RWDD4: variants seen among roughly 807,000 people sequenced by gnomAD.
RWDD4 encodes RWD domain-containing protein 4.
A neutral mutation model predicts 30.0 loss-of-function variants in RWDD4; 16 were observed. The ratio of observed to expected loss-of-function variants is 0.53; its 90% confidence interval spans 0.36 to 0.81. The LOEUF (loss-of-function observed/expected upper bound fraction) is 0.81. Among genes scored for constraint, RWDD4 ranks in the 30% least tolerant of loss-of-function variants. The pLI is 0.00. For missense variants in RWDD4, 170 were observed against 223.9 expected (o/e 0.76, Z 1.54); for synonymous variants, 45 against 72.1 (o/e 0.62, Z 1.90).
chr4:183,652,855 T>C (rs1217543870), intron 2 of RWDD4, among the ~76,000 whole-genome samples: 2 of 149,976 alleles, frequency 1.3e-5, no homozygotes, highest in African/African-American at 5.0e-5. Flanking sequence ...GCCACTCAAG[T>C]AGCTGGAGCT....
At chr4:183,641,704 C>T (rs896690781) in intron 7 of RWDD4, among the ~76,000 whole-genome samples, 1 of 152,028 alleles carries the variant, frequency 6.6e-6, no homozygotes, top group African/African-American at 2.4e-5. Flanking sequence ...GGTGGGTGAG[C>T]GGGACACTCT....
intron 4 of RWDD4, among the ~76,000 whole-genome samples, chr4:183,649,934 G>A (rs568482473): frequency 6.6e-5 from 10 of 152,212 alleles, no homozygotes; most frequent in Non-Finnish European, 1.3e-4. Flanking sequence ...TTTTCTCAAT[G>A]TGAACACTTG....
intron 4 of RWDD4, 37 bp from the exon 5 acceptor site, chr4:183,649,605 T>G: frequency 8.6e-7 from 1 of 1,160,342 alleles, no homozygotes; most frequent in Non-Finnish European, 1.3e-6. Flanking sequence ...GCCTCATACC[T>G]TACAACTTGT....
intron 4 of RWDD4, among the ~76,000 whole-genome samples, chr4:183,650,345 G>A (rs1734050145): frequency 6.6e-6 from 1 of 152,164 alleles, no homozygotes; most frequent in Admixed American, 6.5e-5. Flanking sequence ...GAATGTGAAA[G>A]CCAAAACCAC....
In RWDD4 at chr4:183,659,029, G is replaced by A. The variant is rs2111262088; in HGVS notation, c.-77C>T. 1.8e-6 allele frequency: 2 copies of A among 1,132,584 alleles called. No individual in the cohort carries two copies. The highest frequency in any genetic ancestry group is 3.1e-5 in the East Asian group (1 of 31,880). The allele number at this position is 1,132,584 out of a possible 1,614,324, so 70.2% of individuals were successfully genotyped here. A position where few individuals can be genotyped will look rare whatever the true frequency, so the allele number is the denominator to read the frequency against. On this transcript the variant is annotated 5_prime_UTR_variant, in exon 1 of 8. Coordinates refer to ENST00000326397, the MANE Select transcript of RWDD4 (RefSeq NM_152682.4). ...AGAAAGCGAAGGCAGCGGCCCAGAG[G>A]CCGGGCGTCCCCCTTTCGCGCCTCG... is the stretch of plus-strand genomic sequence containing the variant.
At chr4:183,652,680 T>G (rs938641415) in intron 2 of RWDD4, among the ~76,000 whole-genome samples, 51 of 151,782 alleles carry the variant, frequency 3.4e-4, no homozygotes, top group African/African-American at 1.2e-3. Context: ...CATGGTGGCA[T>G]GCGCCTGTAG....
Position 183,640,880 on chromosome 4 carries a change from G to A in RWDD4, c.*556C>T, listed in dbSNP as rs1478114889. On this transcript the variant is annotated 3_prime_UTR_variant, in exon 8 of 8. Coordinates refer to ENST00000326397, the MANE Select transcript of RWDD4 (RefSeq NM_152682.4). ...GATATTAATTTATTAAAAGGAAGCA[G>A]TTCATCTTTCAAAAATTAAAAGAAA... 1 of 146,754 alleles carries A rather than the reference G, an allele frequency of 6.8e-6. No homozygotes were observed. The highest frequency in any genetic ancestry group is 2.0e-4 in the East Asian group (1 of 4,974). 9.1% of individuals were successfully genotyped at this position (146,754 alleles called of 1,614,324 possible). A position where few individuals can be genotyped will look rare whatever the true frequency, so the allele number is the denominator to read the frequency against.
In RWDD4 at chr4:183,641,483, G is replaced by C; in HGVS notation, c.535-15C>G. The C allele has an allele frequency of 6.3e-7, 1 of 1,596,830 alleles. No individual in the cohort carries two copies. The highest frequency in any genetic ancestry group is 1.3e-5 in the African/African-American group (1 of 74,466). The stretch of plus-strand genomic sequence containing the variant: ...GTTTTGCTTAACTATAAAAAAAAGA[G>C]AGAAAATAGTCAACAAGTGGTATTT... On this transcript the variant is annotated splice_polypyrimidine_tract_variant and intron_variant, in intron 7 of 7. Transcript: ENST00000326397.
chr4:183,642,796 C>A (rs979334611), intron 7 of RWDD4, among the ~76,000 whole-genome samples: 1 of 152,028 alleles, frequency 6.6e-6, no homozygotes, highest in South Asian at 2.1e-4. Context: ...CGGTGGCTCA[C>A]GCCTGTAATC....
In RWDD4 at chr4:183,646,507, T is replaced by G; in HGVS notation, c.512A>C (p.Asn171Thr). 6.2e-7 allele frequency: 1 copy of G among 1,612,588 alleles called. No homozygotes were observed. The highest frequency in any genetic ancestry group is 8.5e-7 in the Non-Finnish European group (1 of 1,179,672). Residue 171 changes from asparagine (N) to threonine (T), a missense_variant, in exon 6 of 8, where the codon AAC (asparagine) becomes ACC (threonine). By Grantham distance (65) the Asn-to-Thr change is moderately conservative (BLOSUM62 0). Transcript: ENST00000326397. ...DHKGELPRGWNWVDVVKHLSK... is the reference protein window; with the variant it reads ...DHKGELPRGWTWVDVVKHLSK... Reference sequence around the variant, plus strand: ...ATATACCTTCACAACATCAACCCAGTTCCAGCCTCGAGGAAGTTCTCCTTT... The same window carrying G: ...ATATACCTTCACAACATCAACCCAGGTCCAGCCTCGAGGAAGTTCTCCTTT...
intron 1 of RWDD4, among the ~76,000 whole-genome samples, chr4:183,658,464 C>T (rs1429013415): frequency 6.6e-6 from 1 of 152,158 alleles, no homozygotes; most frequent in Non-Finnish European, 1.5e-5. Context: ...AAAGATTTCC[C>T]CAAACAATAT....
intron 2 of RWDD4, among the ~76,000 whole-genome samples, chr4:183,652,953 A>G (rs1734114264): frequency 6.6e-6 from 1 of 152,120 alleles, no homozygotes; most frequent in Admixed American, 6.5e-5. Context: ...CGAACTCCTG[A>G]GCTCAAGTGA....
chr4:183,653,060 C>T lies in RWDD4; in HGVS notation c.106-1733G>A, dbSNP rs542331483. On this transcript the variant is annotated intron_variant, in intron 2 of 7. Transcript: ENST00000326397. Reference sequence around the variant, plus strand: ...CCTTTTAAGCCAAAAAGAATACAGGCTAGTTTTCTTGTATAATGTCCCCAG... The same window carrying T: ...CCTTTTAAGCCAAAAAGAATACAGGTTAGTTTTCTTGTATAATGTCCCCAG... 8.5e-5 allele frequency among the ~76,000 whole-genome samples: 13 copies of T among 152,252 alleles called. No homozygotes were observed. The East Asian group carries it at 2.5e-3, about 30-fold the overall frequency.
chr4:183,642,301 T>C (rs1160677183), intron 7 of RWDD4, among the ~76,000 whole-genome samples: 1 of 123,944 alleles, frequency 8.1e-6, no homozygotes. Flanking sequence ...GCCATTCTCC[T>C]GCCTCAGCCT....
chr4:183,655,630 G>A (rs1734178482), intron 2 of RWDD4, among the ~76,000 whole-genome samples: 1 of 152,022 alleles, frequency 6.6e-6, no homozygotes. Context: ...TAATTTTTAA[G>A]GTTTTTTCCA....
intron 1 of RWDD4, chr4:183,656,213 C>T: frequency 3.5e-6 from 1 of 288,862 alleles, no homozygotes; most frequent in Non-Finnish European, 6.4e-6. Flanking sequence ...CTCAAATCAA[C>T]CCTGTCAAGA....
intron 2 of RWDD4, among the ~76,000 whole-genome samples, chr4:183,653,199 T>A (rs1397908073): frequency 8.5e-5 from 13 of 152,334 alleles, no homozygotes; most frequent in Admixed American, 2.6e-4. Context: ...TCATCACTGG[T>A]GACACTAAGA....
In RWDD4 at chr4:183,642,802, T is replaced by C. The variant is rs183818005; in HGVS notation, c.535-1334A>G. Among the ~76,000 whole-genome samples the C allele has an allele frequency of 3.8e-3, 573 of 152,012 alleles. 3 individuals are homozygous for C. The highest frequency in any genetic ancestry group is 0.013 in the African/African-American group (523 of 41,528). On this transcript the variant is annotated intron_variant, in intron 7 of 7. Coordinates refer to ENST00000326397, the MANE Select transcript of RWDD4 (RefSeq NM_152682.4). The stretch of plus-strand genomic sequence containing the variant: ...GGCTGGGCGCGGTGGCTCACGCCTG[T>C]AATCCCAGCACTTTGGGAGGCTGAG...
At chr4:183,644,714 G>C (rs1733932761) in intron 7 of RWDD4, among the ~76,000 whole-genome samples, 1 of 151,994 alleles carries the variant, frequency 6.6e-6, no homozygotes, top group Admixed American at 6.6e-5. Context: ...AGGAGCAGAG[G>C]GTGCAGTGAG....
Sources: gnomAD v4.1 joint callset for allele counts (sites outside exome capture counted in the v4.1 genomes callset) on GRCh38, gnomAD v4.1.1 for gene constraint, MANE v1.5 for transcripts, NCBI Gene and HGNC (gene_info 2026-07-23, HGNC 2026-07-21) for gene names.